The following TPRG1 variants were observed in gnomAD, a reference collection of about 807,000 sequenced individuals.
TPRG1 encodes the protein tumor protein p63-regulated gene 1 protein.
Under a neutral mutation model 29.3 loss-of-function variants are expected in TPRG1, and 29 were observed. The observed-to-expected ratio is 0.99, with a 90% CI of 0.74 to 1.35. TPRG1 has a LOEUF of 1.35. Among genes scored for constraint, TPRG1 ranks in the 40% most tolerant of loss-of-function variants. The pLI, the probability that TPRG1 is intolerant of heterozygous loss-of-function variation, is 0.00. For synonymous variants in TPRG1, 130 were observed against 116.8 expected, an observed-to-expected ratio of 1.11 and a Z score of -0.73; for missense variants, 327 against 335.0, an observed-to-expected ratio of 0.98 and a Z score of 0.19.
intron 4 of TPRG1, among the ~76,000 whole-genome samples, chr3:189,069,985 G>A (rs1716710171): frequency 1.3e-5 from 2 of 152,164 alleles, no homozygotes; most frequent in African/African-American, 4.8e-5. Flanking sequence ...GGAGGCTGAG[G>A]CAGGAGAATC....
chr3:189,302,370 G>C (rs183311196), intron 4 of TPRG1, among the ~76,000 whole-genome samples: 1 of 152,096 alleles, frequency 6.6e-6, no homozygotes, highest in Non-Finnish European at 1.5e-5. Context: ...AATTTCCCTG[G>C]ACTTCATGGA....
chr3:189,213,787 C>T (rs1236665808), intron 2 of TPRG1, among the ~76,000 whole-genome samples: 3 of 152,140 alleles, frequency 2.0e-5, no homozygotes, highest in Middle Eastern at 3.2e-3. Context: ...ATTTCACCTT[C>T]TCTTCTGTTC....
chr3:189,098,785 T>C (rs1294860410), upstream of TPRG1, among the ~76,000 whole-genome samples: 2 of 152,184 alleles, frequency 1.3e-5, no homozygotes, highest in Admixed American at 1.3e-4. Flanking sequence ...ATCATTGCCT[T>C]TGACCCTGAG....
chr3:189,141,173 A>G (rs1427665799), intron 3 of TPRG1, among the ~76,000 whole-genome samples: 1 of 152,212 alleles, frequency 6.6e-6, no homozygotes, highest in African/African-American at 2.4e-5. Context: ...TTTTCAAGGA[A>G]GTAATTTCCA....
chr3:189,306,562 T>A (rs1298270446), intron 4 of TPRG1, among the ~76,000 whole-genome samples: 3 of 152,226 alleles, frequency 2.0e-5, no homozygotes, highest in African/African-American at 2.4e-5. Context: ...GCCCCTTTTT[T>A]AAAATTACAT....
chr3:189,115,742 C>A (rs1057154394), intron 1 of TPRG1, among the ~76,000 whole-genome samples: 1 of 152,160 alleles, frequency 6.6e-6, no homozygotes, highest in Non-Finnish European at 1.5e-5. Context: ...AATTCTGTTA[C>A]TCTTTATCTT....
chr3:189,150,310 G>C (rs1159145966), intron 4 of TPRG1, among the ~76,000 whole-genome samples: 1 of 152,316 alleles, frequency 6.6e-6, no homozygotes, highest in African/African-American at 2.4e-5. Context: ...AGCTTCCTGA[G>C]TAGCTGGGAT....
intron 4 of TPRG1, among the ~76,000 whole-genome samples, chr3:189,055,426 G>A (rs979898439): frequency 1.3e-5 from 2 of 152,138 alleles, no homozygotes; most frequent in Non-Finnish European, 2.9e-5. Flanking sequence ...TCAACCAGAG[G>A]TCCGCAAGGG....
intron 4 of TPRG1, among the ~76,000 whole-genome samples, chr3:189,073,850 A>G (rs1320174790): frequency 3.3e-5 from 5 of 152,164 alleles, no homozygotes; most frequent in Admixed American, 2.0e-4. Flanking sequence ...TTCAAATAGC[A>G]TGTATGCTAC....
intron 3 of TPRG1, among the ~76,000 whole-genome samples, chr3:189,019,546 G>GCA (rs1553891546): frequency 2.0e-5 from 3 of 152,154 alleles, no homozygotes; most frequent in Non-Finnish European, 4.4e-5. Context: ...ACTGATTTGC[G>GCA]TGTATTGAAC....
At chr3:189,282,510 G>A (rs537458331) in intron 4 of TPRG1, among the ~76,000 whole-genome samples, 25 of 152,030 alleles carry the variant, frequency 1.6e-4, no homozygotes, top group African/African-American at 6.0e-4. Flanking sequence ...TCTCCTTTTT[G>A]TTAATTCTTT....
intron 5 of TPRG1, among the ~76,000 whole-genome samples, chr3:189,161,592 G>GA (rs1727497495): frequency 6.6e-6 from 1 of 152,034 alleles, no homozygotes; most frequent in South Asian, 2.1e-4. Flanking sequence ...AGGGTCTAAA[G>GA]AAAATGATTG....
Position 189,082,171 on chromosome 3 carries a change from G to A in TPRG1, c.-462-44886G>A, listed in dbSNP as rs528294333. ...ACATAAGAGGGTGTGTGTCTTCAACGTGTAAAGATGACCTGGAGGTAAGCA... is the reference window on the plus strand; with the variant it reads ...ACATAAGAGGGTGTGTGTCTTCAACATGTAAAGATGACCTGGAGGTAAGCA... On this transcript the variant is annotated intron_variant, in intron 4 of 10. Coordinates refer to the TPRG1 transcript ENST00000433971. Among the ~76,000 whole-genome samples, 7 of 152,290 alleles carry A rather than the reference G, an allele frequency of 4.6e-5. No homozygotes were observed. The South Asian group carries it at 8.3e-4, about 18-fold the overall frequency.
intron 5 of TPRG1, chr3:189,313,323 A>G (rs1401292766): frequency 6.6e-6 from 1 of 152,220 alleles, no homozygotes; most frequent in Non-Finnish European, 1.5e-5. Flanking sequence ...ATAAGAAGAA[A>G]GATAATTTGG....
intron 4 of TPRG1, among the ~76,000 whole-genome samples, chr3:189,033,673 G>A (rs533383612): frequency 4.6e-5 from 7 of 151,534 alleles, no homozygotes; most frequent in South Asian, 4.2e-4. Flanking sequence ...TCCACCTCCC[G>A]GGTTCATGCC....
At chr3:189,290,022 A>C (rs1012403091) in intron 4 of TPRG1, among the ~76,000 whole-genome samples, 1 of 152,186 alleles carries the variant, frequency 6.6e-6, no homozygotes, top group Admixed American at 6.5e-5. Flanking sequence ...TAGGAAACAT[A>C]ATTATATGGT....
At chr3:189,300,963 G>A (rs1720729706) in intron 4 of TPRG1, among the ~76,000 whole-genome samples, 1 of 151,956 alleles carries the variant, frequency 6.6e-6, no homozygotes, top group South Asian at 2.1e-4. Context: ...CTAATTTTCA[G>A]GTATCAACAA....
chr3:189,248,248 G>T (rs1041782183), intron 4 of TPRG1, among the ~76,000 whole-genome samples: 8 of 151,626 alleles, frequency 5.3e-5, no homozygotes, highest in African/African-American at 1.9e-4. Flanking sequence ...CTTATTAGAA[G>T]ATCACTTAGT....
rs1337185941 is a variant in TPRG1, at chr3:189,283,750, G to A, written c.480-26636G>A. Among the ~76,000 whole-genome samples, 9 of 152,100 alleles carry A rather than the reference G, an allele frequency of 5.9e-5. No homozygotes were observed. The East Asian group carries it at 9.6e-4, about 16-fold the overall frequency. The stretch of plus-strand genomic sequence containing the variant: ...TTTTATTTAATCTTTACGATAATCC[G>A]GAAGGTAAACAATTATTTTCTTCCT... On this transcript the variant is annotated intron_variant, in intron 4 of 5. Transcript: ENST00000345063.
Sources: gnomAD v4.1 joint callset for allele counts (sites outside exome capture counted in the v4.1 genomes callset) on GRCh38, gnomAD v4.1.1 for gene constraint, MANE v1.5 for transcripts, NCBI Gene and HGNC (gene_info 2026-07-23, HGNC 2026-07-21) for gene names.